MYO3A: variants seen among roughly 807,000 people sequenced by gnomAD.
MYO3A encodes the protein myosin IIIA.
Under a neutral mutation model 192.7 loss-of-function variants are expected in MYO3A, and 180 were observed. That is an observed-to-expected ratio of 0.93 (90% CI 0.83 to 1.06). The LOEUF is 1.06. Among genes scored for constraint, MYO3A ranks in the 50% least tolerant of loss-of-function variants. The probability of loss-of-function intolerance (pLI) is 0.00; values close to 1 mark genes in which losing one functional copy is unlikely to be tolerated. For synonymous variants in MYO3A, 628 were observed against 645.3 expected (o/e 0.97, Z 0.41); for missense variants, 1,896 against 1,905.0 (o/e 1.00, Z 0.09).
At chr10:26,023,948 C>T in intron 8 of MYO3A, 74 bp from the exon 9 acceptor site, 1 of 1,315,706 alleles carries the variant, frequency 7.6e-7, no homozygotes, top group Non-Finnish European at 1.1e-6. Flanking sequence ...TTGCATTAGT[C>T]TATCTGGCTC....
chr10:26,101,587 G>A (rs1236424187), intron 17 of MYO3A, among the ~76,000 whole-genome samples: 1 of 152,126 alleles, frequency 6.6e-6, no homozygotes, highest in Non-Finnish European at 1.5e-5. Context: ...TGTAAGGCAG[G>A]CCTGGTGGTG....
intron 10 of MYO3A, among the ~76,000 whole-genome samples, chr10:26,040,860 G>A (rs1486146119): frequency 6.6e-6 from 1 of 152,044 alleles, no homozygotes; most frequent in Non-Finnish European, 1.5e-5. Context: ...AGAAAAATGT[G>A]TATTCTATAG....
At chr10:25,955,407 T>C (rs1837478608) in intron 4 of MYO3A, among the ~76,000 whole-genome samples, 1 of 152,114 alleles carries the variant, frequency 6.6e-6, no homozygotes, top group African/African-American at 2.4e-5. Context: ...ACAAAAATAG[T>C]GAGCTATGAT....
chr10:26,011,503 C>G (rs928231919), intron 6 of MYO3A, among the ~76,000 whole-genome samples: 3 of 151,986 alleles, frequency 2.0e-5, no homozygotes, highest in Non-Finnish European at 2.9e-5. Flanking sequence ...ATCATTTCAA[C>G]AAACTAGAAA....
chr10:26,212,363 A>C lies in MYO3A; in HGVS notation c.*400A>C. ...ACTGAATTCACAGATTTTTTTTTTT[A>C]TTGGAAACGGCTTTTCTTGGCCAAC... is the stretch of plus-strand genomic sequence containing the variant. On this transcript the variant is annotated 3_prime_UTR_variant, in exon 35 of 35. Coordinates refer to ENST00000642920, the MANE Select transcript of MYO3A (RefSeq NM_017433.5). 5.9e-6 allele frequency: 2 copies of C among 337,882 alleles called. No homozygotes were observed. The highest frequency in any genetic ancestry group is 5.2e-6 in the Non-Finnish European group (1 of 191,814). 20.9% of individuals were successfully genotyped at this position (337,882 alleles called of 1,614,324 possible).
intron 18 of MYO3A, among the ~76,000 whole-genome samples, chr10:26,121,487 C>T (rs1018023198): frequency 3.3e-4 from 50 of 152,280 alleles, no homozygotes; most frequent in African/African-American, 1.2e-3. Context: ...CAAAAGCTCA[C>T]ACCTCTAATC....
intron 32 of MYO3A, among the ~76,000 whole-genome samples, chr10:26,193,915 T>C (rs774390539): frequency 1.9e-4 from 29 of 152,232 alleles, no homozygotes; most frequent in Non-Finnish European, 4.0e-4. Context: ...TGAGGACTCA[T>C]TGGCGTTGCC....
chr10:26,022,439 G>C (rs1001171522), intron 8 of MYO3A: 4 of 152,128 alleles, frequency 2.6e-5, no homozygotes, highest in African/African-American at 9.7e-5. Context: ...CAAAACATTA[G>C]AATATTTGGC....
At chr10:26,178,968 A>AT (rs1302590716) in intron 31 of MYO3A, among the ~76,000 whole-genome samples, 1 of 150,528 alleles carries the variant, frequency 6.6e-6, no homozygotes, top group African/African-American at 2.4e-5. Flanking sequence ...CGCCGGGCTA[A>AT]TTTTTTATAT....
At position 26,125,598 on chromosome 10, in the gene MYO3A, T is replaced by G. The variant is rs758171932; in HGVS notation, c.2104T>G (p.Ser702Ala). 50 of 1,613,958 alleles carry G rather than the reference T, an allele frequency of 3.1e-5. No homozygotes were observed. In the South Asian group the frequency reaches 4.6e-4, roughly 15 times the overall value. ...CATTAACAGTTTGTTGAAGCATGACTCATCACCAAGGTAAAAATTTTTACA... is the reference window on the plus strand; with the variant it reads ...CATTAACAGTTTGTTGAAGCATGACGCATCACCAAGGTAAAAATTTTTACA... ...NCINSLLKHDSSPSGNGDELS... is the reference protein window; with the variant it reads ...NCINSLLKHDASPSGNGDELS... The change falls in exon 19 of 35, where the codon TCA becomes GCA. Residue 702 changes from serine (S) to alanine (A), a missense_variant. By Grantham distance (99) the Ser-to-Ala change is moderately conservative. Coordinates refer to ENST00000642920, the MANE Select transcript of MYO3A (RefSeq NM_017433.5).
intron 17 of MYO3A, among the ~76,000 whole-genome samples, chr10:26,102,917 C>G (rs1440312400): frequency 1.3e-5 from 2 of 152,228 alleles, no homozygotes; most frequent in African/African-American, 4.8e-5. Context: ...AACCACTACT[C>G]TCTTCAAAGC....
chr10:26,026,242 A>T, intron 9 of MYO3A, 135 bp from the exon 10 acceptor site: 1 of 1,033,790 alleles, frequency 9.7e-7, no homozygotes, highest in Non-Finnish European at 1.4e-6. Flanking sequence ...AATTGCAATT[A>T]ATATATTTTA....
At chr10:26,078,539 T>C (rs1835737568) in intron 14 of MYO3A, among the ~76,000 whole-genome samples, 4 of 152,094 alleles carry the variant, frequency 2.6e-5, no homozygotes, top group Admixed American at 2.6e-4. Flanking sequence ...TTATTTCCTT[T>C]CTTCTCTTTG....
intron 4 of MYO3A, among the ~76,000 whole-genome samples, chr10:25,963,793 G>T (rs1181783886): frequency 6.6e-6 from 1 of 151,966 alleles, no homozygotes; most frequent in African/African-American, 2.4e-5. Flanking sequence ...TTTGTTTAAA[G>T]GGCAGGATAG....
chr10:25,955,082 T>C, intron 4 of MYO3A, 74 bp downstream of exon 4: 3 of 1,553,412 alleles, frequency 1.9e-6, no homozygotes, highest in Non-Finnish European at 2.7e-6. Context: ...ATACTATTTA[T>C]GTAACATTGA....
At chr10:26,193,447 C>T (rs972389696) in intron 32 of MYO3A, 136 bp downstream of exon 32, 31 of 719,488 alleles carry the variant, frequency 4.3e-5, no homozygotes, top group Non-Finnish European at 7.2e-5. Context: ...CTCTTCACTG[C>T]CCTCCCCTGG....
chr10:26,012,283 G>A (rs1841710696), intron 6 of MYO3A, among the ~76,000 whole-genome samples: 1 of 152,062 alleles, frequency 6.6e-6, no homozygotes, highest in African/African-American at 2.4e-5. Context: ...ATCCAAATTG[G>A]AAAAGGGGAA....
chr10:25,995,274 C>A (rs1174874699), intron 4 of MYO3A, among the ~76,000 whole-genome samples: 1 of 152,182 alleles, frequency 6.6e-6, no homozygotes, highest in Non-Finnish European at 1.5e-5. Context: ...ATCGCTGATA[C>A]CCTTTCTTCC....
At chr10:25,969,532 G>A (rs1838485400) in intron 4 of MYO3A, among the ~76,000 whole-genome samples, 1 of 152,116 alleles carries the variant, frequency 6.6e-6, no homozygotes, top group African/African-American at 2.4e-5. Context: ...ATAAGTTAAA[G>A]ATGCATATTG....
Sources: gnomAD v4.1 joint callset for allele counts (sites outside exome capture counted in the v4.1 genomes callset) on GRCh38, gnomAD v4.1.1 for gene constraint, MANE v1.5 for transcripts, NCBI Gene and HGNC (gene_info 2026-07-23, HGNC 2026-07-21) for gene names.